The following CDH13 variants were observed in gnomAD, a reference collection of about 807,000 sequenced individuals.
The protein encoded by CDH13 is cadherin-13.
A neutral mutation model predicts 63.8 loss-of-function variants in CDH13; 24 were observed. The ratio of observed to expected loss-of-function variants is 0.38; its 90% CI spans 0.27 to 0.53. CDH13 has a LOEUF of 0.53. CDH13 is among the 20% of genes least tolerant of loss of function. The pLI is 0.85. For missense variants in CDH13, 1,049 were observed against 903.1 expected (o/e 1.16, Z -2.07); for synonymous variants, 503 against 355.3 (o/e 1.42, Z -4.67).
intron 8 of CDH13, among the ~76,000 whole-genome samples, chr16:83,635,038 A>G (rs1417214648): frequency 6.6e-6 from 1 of 152,198 alleles, no homozygotes; most frequent in African/African-American, 2.4e-5. Flanking sequence ...CTTATCAGCA[A>G]TAGAGGAGAA....
chr16:82,792,467 A>G (rs1226952682), intron 1 of CDH13, among the ~76,000 whole-genome samples: 2 of 152,198 alleles, frequency 1.3e-5, no homozygotes, highest in African/African-American at 4.8e-5. Flanking sequence ...GCAAGTCCCA[A>G]TACACAATTC....
intron 2 of CDH13, among the ~76,000 whole-genome samples, chr16:83,031,753 GGCACTCAAGTGT>G (rs1916373833): frequency 6.6e-6 from 1 of 152,108 alleles, no homozygotes; most frequent in African/African-American, 2.4e-5. Context: ...CCACTGAGAA[GGCACTCAAGTGT>G]GCACACTCAG....
intron 3 of CDH13, among the ~76,000 whole-genome samples, chr16:83,069,401 C>T (rs963791860): frequency 1.2e-4 from 19 of 152,126 alleles, no homozygotes; most frequent in African/African-American, 4.3e-4. Context: ...TTCTAAGAAT[C>T]ACCTATAGAA....
chr16:83,655,824 G>A (rs1315499497), intron 8 of CDH13, among the ~76,000 whole-genome samples: 2 of 152,154 alleles, frequency 1.3e-5, no homozygotes, highest in Non-Finnish European at 2.9e-5. Flanking sequence ...AATGACTCTG[G>A]CTGCTACTAT....
rs537822350 is a variant in CDH13, at chr16:82,811,306, G to C, written c.46-47056G>C. 7.9e-5 allele frequency among the ~76,000 whole-genome samples: 12 copies of C among 152,206 alleles called. No homozygotes were observed. In the South Asian group the frequency reaches 2.5e-3, roughly 32 times the overall value. The stretch of plus-strand genomic sequence containing the variant: ...CAGATCAGGACTTTTCTTCTCAAAA[G>C]TCAGCTGTTAAACATTGACCATCAT... On this transcript the variant is annotated intron_variant, in intron 1 of 13. Transcript: ENST00000567109.
intron 3 of CDH13, among the ~76,000 whole-genome samples, chr16:83,108,570 C>A (rs1183993711): frequency 6.6e-6 from 1 of 152,198 alleles, no homozygotes; most frequent in Non-Finnish European, 1.5e-5. Flanking sequence ...AGGCTCCACC[C>A]CATCCTCCCA....
chr16:83,191,226 T>C (rs2038686904), intron 4 of CDH13, among the ~76,000 whole-genome samples: 1 of 144,286 alleles, frequency 6.9e-6, no homozygotes, highest in Non-Finnish European at 1.5e-5. Context: ...ACATTTTCAG[T>C]GTTTAGCACC....
intron 5 of CDH13, among the ~76,000 whole-genome samples, chr16:83,240,279 G>T (rs1044278961): frequency 2.0e-5 from 3 of 152,110 alleles, no homozygotes; most frequent in African/African-American, 7.2e-5. Flanking sequence ...AGGCCTGGGA[G>T]GGGGTGGATC....
chr16:83,756,056 G>C (rs934728903), intron 11 of CDH13, among the ~76,000 whole-genome samples: 1 of 152,108 alleles, frequency 6.6e-6, no homozygotes, highest in Non-Finnish European at 1.5e-5. Context: ...CTTTGTATTA[G>C]ACTCTAATAA....
intron 7 of CDH13, among the ~76,000 whole-genome samples, chr16:83,546,945 AC>A (rs928850866): frequency 1.3e-5 from 2 of 152,212 alleles, no homozygotes; most frequent in African/African-American, 4.8e-5. Flanking sequence ...TGAAGGCACA[AC>A]AAAAACACGG....
At chr16:83,222,395 C>T (rs2039724709) in intron 5 of CDH13, among the ~76,000 whole-genome samples, 1 of 152,148 alleles carries the variant, frequency 6.6e-6, no homozygotes, top group African/African-American at 2.4e-5. Context: ...TGGCAGAATA[C>T]ACATTAAAGT....
chr16:83,799,951 A>G lies in CDH13; in HGVS notation c.*4921A>G, dbSNP rs938521788. The G allele has an allele frequency of 1.0e-4, 6 of 57,574 alleles. No individual in the cohort carries two copies. The highest frequency in any genetic ancestry group is 3.0e-4 in the Non-Finnish European group (6 of 19,916). The allele number at this position is 57,574 out of a possible 1,614,324, so 3.6% of individuals were successfully genotyped here. ...GATAAGAACTTCAATTATATAATTT[A>G]AGAAGAGTCAGTCTATAATTTAAGC... On this transcript the variant is annotated 3_prime_UTR_variant, in exon 14 of 14. Coordinates refer to ENST00000567109, the MANE Select transcript of CDH13 (RefSeq NM_001257.5).
intron 7 of CDH13, among the ~76,000 whole-genome samples, chr16:83,487,846 C>G (rs769018391): frequency 5.3e-5 from 8 of 152,192 alleles, no homozygotes; most frequent in Non-Finnish European, 8.8e-5. Flanking sequence ...GCTTTCTCCT[C>G]TCTTATGTGC....
chr16:83,024,858 C>G (rs1307020718), intron 2 of CDH13, among the ~76,000 whole-genome samples: 1 of 152,180 alleles, frequency 6.6e-6, no homozygotes, highest in Non-Finnish European at 1.5e-5. Flanking sequence ...CACAACTGTT[C>G]ACATGAAGTA....
intron 2 of CDH13, chr16:82,954,764 A>C (rs188623815): frequency 6.9e-4 from 104 of 150,766 alleles, no homozygotes; most frequent in Middle Eastern, 3.4e-3. Flanking sequence ...AAAAAAAAAA[A>C]CACTATCCTG....
chr16:83,011,495 A>G (rs962725275), intron 2 of CDH13, among the ~76,000 whole-genome samples: 1 of 152,154 alleles, frequency 6.6e-6, no homozygotes, highest in African/African-American at 2.4e-5. Context: ...AGGGGCTTGT[A>G]CTGTCATGAC....
chr16:83,723,923 G>A (rs533868907), intron 10 of CDH13, among the ~76,000 whole-genome samples: 2 of 152,332 alleles, frequency 1.3e-5, no homozygotes, highest in African/African-American at 2.4e-5. Context: ...TGAATTGATG[G>A]ATGCATGGAT....
chr16:83,377,313 A>T (rs1262426042), intron 6 of CDH13, among the ~76,000 whole-genome samples: 1 of 152,140 alleles, frequency 6.6e-6, no homozygotes, highest in Non-Finnish European at 1.5e-5. Context: ...AAAAGGTTAA[A>T]CCACACATCT....
chr16:83,097,094 A>G (rs1186190646), intron 3 of CDH13, among the ~76,000 whole-genome samples: 1 of 152,146 alleles, frequency 6.6e-6, no homozygotes, highest in Non-Finnish European at 1.5e-5. Flanking sequence ...AAGTTGCTCA[A>G]CCTCATTCAA....
Sources: gnomAD v4.1 joint callset for allele counts (sites outside exome capture counted in the v4.1 genomes callset) on GRCh38, gnomAD v4.1.1 for gene constraint, MANE v1.5 for transcripts, NCBI Gene and HGNC (gene_info 2026-07-23, HGNC 2026-07-21) for gene names.